The following MALRD1 variants were observed in gnomAD, a reference collection of about 807,000 sequenced individuals.
MALRD1 encodes the protein MAM and LDL receptor class A domain containing 1.
Under a neutral mutation model 242.1 loss-of-function variants are expected in MALRD1, and 247 were observed. That is an observed-to-expected ratio of 1.02 (90% CI 0.92 to 1.13). The LOEUF (loss-of-function observed/expected upper bound fraction) is 1.13. Among genes scored for constraint, MALRD1 ranks in the 50% most tolerant of loss-of-function variants. MALRD1 has a pLI of 0.00. For synonymous variants in MALRD1, 995 were observed against 866.6 expected (o/e 1.15, Z -2.60); for missense variants, 2,989 against 2,533.1 (o/e 1.18, Z -3.86).
At chr10:19,368,552 G>A (rs117731323) in intron 26 of MALRD1, among the ~76,000 whole-genome samples, 1 of 152,068 alleles carries the variant, frequency 6.6e-6, no homozygotes, top group African/African-American at 2.4e-5. Context: ...TTGGTAGTGT[G>A]ATGCCTGCAG....
chr10:19,386,987 A>C (rs1326782994), intron 26 of MALRD1, among the ~76,000 whole-genome samples: 2 of 152,152 alleles, frequency 1.3e-5, no homozygotes, highest in Non-Finnish European at 2.9e-5. Context: ...TAGACAAATA[A>C]ATATGCATTT....
chr10:19,179,669 A>G (rs1835414109), intron 14 of MALRD1, among the ~76,000 whole-genome samples: 1 of 152,182 alleles, frequency 6.6e-6, no homozygotes, highest in Non-Finnish European at 1.5e-5. Flanking sequence ...ATCACAATAT[A>G]TGTATTATAA....
At chr10:19,334,289 T>G (rs1309790640) in intron 24 of MALRD1, among the ~76,000 whole-genome samples, 1 of 151,968 alleles carries the variant, frequency 6.6e-6, no homozygotes, top group Non-Finnish European at 1.5e-5. Flanking sequence ...ATTTTTATAG[T>G]TTTAGGTCTT....
intron 32 of MALRD1, among the ~76,000 whole-genome samples, chr10:19,551,784 A>G (rs1835481500): frequency 6.6e-6 from 1 of 152,070 alleles, no homozygotes; most frequent in African/African-American, 2.4e-5. Context: ...TAGTTTATTG[A>G]GAGTTTTTAA....
intron 28 of MALRD1, among the ~76,000 whole-genome samples, chr10:19,431,772 A>G (rs1834138532): frequency 6.6e-6 from 1 of 152,130 alleles, no homozygotes; most frequent in Admixed American, 6.6e-5. Context: ...GAGCTGAGTT[A>G]TGTCCAATAA....
At chr10:19,613,762 T>C (rs140503293) in intron 35 of MALRD1, among the ~76,000 whole-genome samples, 478 of 152,206 alleles carry the variant, frequency 3.1e-3, no homozygotes, top group African/African-American at 0.011. Flanking sequence ...GAATTTTTTC[T>C]GCACTATCTT....
At chr10:19,097,197 G>A (rs1475460956) in intron 4 of MALRD1, among the ~76,000 whole-genome samples, 1 of 152,122 alleles carries the variant, frequency 6.6e-6, no homozygotes, top group Non-Finnish European at 1.5e-5. Flanking sequence ...AGAATTACAA[G>A]CTTTAGAGAG....
intron 36 of MALRD1, among the ~76,000 whole-genome samples, chr10:19,667,349 G>T (rs1200619026): frequency 6.6e-6 from 1 of 152,138 alleles, no homozygotes; most frequent in Admixed American, 6.5e-5. Flanking sequence ...GCAGGGGCCA[G>T]CTATGAGGTA....
intron 30 of MALRD1, among the ~76,000 whole-genome samples, chr10:19,496,679 A>G (rs1283913223): frequency 6.6e-6 from 1 of 152,192 alleles, no homozygotes; most frequent in Non-Finnish European, 1.5e-5. Context: ...GGACATCTGC[A>G]TAAAAGTGTG....
At chr10:19,339,919 G>A (rs561600950) in intron 24 of MALRD1, among the ~76,000 whole-genome samples, 28 of 152,220 alleles carry the variant, frequency 1.8e-4, no homozygotes, top group African/African-American at 6.7e-4. Context: ...ACAGTGGAAG[G>A]TGTAGAGGAA....
At chr10:19,305,630 A>G (rs927137454) in intron 21 of MALRD1, among the ~76,000 whole-genome samples, 3 of 150,560 alleles carry the variant, frequency 2.0e-5, no homozygotes, top group Non-Finnish European at 3.0e-5. Context: ...TCTTCATTTC[A>G]TTGTTTCTGT....
intron 38 of MALRD1, among the ~76,000 whole-genome samples, chr10:19,695,907 C>T (rs935477921): frequency 2.0e-5 from 3 of 152,034 alleles, no homozygotes; most frequent in African/African-American, 4.8e-5. Flanking sequence ...TCTTGTGAGA[C>T]GTAATCACTA....
At chr10:19,590,414 G>T (rs1394871974) in intron 33 of MALRD1, among the ~76,000 whole-genome samples, 2 of 145,766 alleles carry the variant, frequency 1.4e-5, no homozygotes, top group Non-Finnish European at 1.5e-5. Flanking sequence ...AACATATATA[G>T]GTGGTTAGAT....
intron 21 of MALRD1, among the ~76,000 whole-genome samples, chr10:19,302,655 G>T (rs1198808530): frequency 6.6e-6 from 1 of 151,714 alleles, no homozygotes; most frequent in Non-Finnish European, 1.5e-5. Context: ...TTTTTGGGAT[G>T]ATCAAAATGT....
chr10:19,212,688 A>C (rs1048706508), intron 18 of MALRD1, among the ~76,000 whole-genome samples: 6 of 37,584 alleles, frequency 1.6e-4, no homozygotes, highest in African/African-American at 9.1e-4. Flanking sequence ...CAAAGTTTAC[A>C]CTATTTTTTT....
chr10:19,226,268 A>G (rs559006980), intron 18 of MALRD1, among the ~76,000 whole-genome samples: 15 of 152,312 alleles, frequency 9.8e-5, no homozygotes, highest in African/African-American at 3.4e-4. Flanking sequence ...AGGAATTTAC[A>G]AAATGTAGCA....
intron 26 of MALRD1, among the ~76,000 whole-genome samples, chr10:19,353,017 C>A (rs1386934201): frequency 6.6e-6 from 1 of 150,602 alleles, no homozygotes; most frequent in Non-Finnish European, 1.5e-5. Context: ...TTCTTTTTTT[C>A]TTTTTTTGAG....
intron 33 of MALRD1, among the ~76,000 whole-genome samples, chr10:19,570,020 C>T (rs1003954101): frequency 7.2e-5 from 11 of 151,768 alleles, no homozygotes; most frequent in Admixed American, 2.6e-4. Context: ...GAACAACAAC[C>T]TAACATTCAC....
At chr10:19,077,402 T>C (rs1375866783) in intron 2 of MALRD1, among the ~76,000 whole-genome samples, 1 of 151,954 alleles carries the variant, frequency 6.6e-6, no homozygotes, top group Admixed American at 6.6e-5. Flanking sequence ...ATTTTTTTCA[T>C]AGTGCACACC....
Sources: gnomAD v4.1 joint callset for allele counts (sites outside exome capture counted in the v4.1 genomes callset) on GRCh38, gnomAD v4.1.1 for gene constraint, MANE v1.5 for transcripts, NCBI Gene and HGNC (gene_info 2026-07-23, HGNC 2026-07-21) for gene names.